Variants in CNTNAP2 observed in about 807,000 individuals in gnomAD.
The protein encoded by CNTNAP2 is contactin-associated protein-like 2.
Under a neutral mutation model 155.2 loss-of-function variants are expected in CNTNAP2, and 98 were observed. That is an observed-to-expected ratio of 0.63 (90% confidence interval 0.54 to 0.75). The LOEUF (loss-of-function observed/expected upper bound fraction) is 0.75, where lower values mean the gene tolerates loss of function less well. CNTNAP2 is among the 30% of genes least tolerant of loss of function. The pLI is 0.00. For missense variants in CNTNAP2, 1,727 were observed against 1,688.1 expected (o/e 1.02, Z -0.40); for synonymous variants, 651 against 631.2 (o/e 1.03, Z -0.47).
At chr7:148,065,151 A>G (rs370030487) in intron 15 of CNTNAP2, among the ~76,000 whole-genome samples, 1 of 152,158 alleles carries the variant, frequency 6.6e-6, no homozygotes, top group Non-Finnish European at 1.5e-5. Flanking sequence ...GTAGTCTGAG[A>G]AAGTACTTGA....
intron 2 of CNTNAP2, among the ~76,000 whole-genome samples, chr7:146,809,331 G>T (rs1351294490): frequency 6.6e-6 from 1 of 152,040 alleles, no homozygotes; most frequent in African/African-American, 2.4e-5. Context: ...ACTTGTTCAT[G>T]TATCTGCTGG....
At chr7:146,243,946 T>C (rs1341307911) in intron 1 of CNTNAP2, among the ~76,000 whole-genome samples, 1 of 152,000 alleles carries the variant, frequency 6.6e-6, no homozygotes, top group African/African-American at 2.4e-5. Context: ...TCGAGCGGGA[T>C]TAGGGGCGGT....
chr7:146,831,957 A>C (rs1399422481), intron 2 of CNTNAP2, among the ~76,000 whole-genome samples: 2 of 152,116 alleles, frequency 1.3e-5, no homozygotes, highest in Non-Finnish European at 2.9e-5. Flanking sequence ...TAATTTATCG[A>C]TATTTTAGGA....
chr7:147,733,044 C>T (rs1434861634), intron 13 of CNTNAP2, among the ~76,000 whole-genome samples: 1 of 152,154 alleles, frequency 6.6e-6, no homozygotes, highest in East Asian at 1.9e-4. Flanking sequence ...TTAATTAGAT[C>T]CCATTTGTCA....
chr7:147,208,515 C>A (rs1170845395), intron 8 of CNTNAP2, among the ~76,000 whole-genome samples: 1 of 151,910 alleles, frequency 6.6e-6, no homozygotes, highest in East Asian at 1.9e-4. Context: ...GTAGAAATCA[C>A]TATATATTGT....
intron 11 of CNTNAP2, among the ~76,000 whole-genome samples, chr7:147,559,053 G>A (rs1800008126): frequency 1.3e-5 from 2 of 151,816 alleles, no homozygotes; most frequent in African/African-American, 2.4e-5. Flanking sequence ...TTTTAAAAAT[G>A]TCTGTAGAGA....
chr7:148,300,198 T>G (rs149434750), intron 21 of CNTNAP2, among the ~76,000 whole-genome samples: 2 of 152,214 alleles, frequency 1.3e-5, no homozygotes, highest in African/African-American at 4.8e-5. Flanking sequence ...TCCTTGACAT[T>G]GGATTCTTAA....
intron 12 of CNTNAP2, among the ~76,000 whole-genome samples, chr7:147,597,762 A>G (rs780378343): frequency 1.3e-5 from 2 of 152,206 alleles, no homozygotes; most frequent in African/African-American, 2.4e-5. Context: ...GGTTGCGAGT[A>G]AGAGTGGGAA....
At chr7:147,148,112 C>G (rs1052277715) in intron 8 of CNTNAP2, among the ~76,000 whole-genome samples, 5 of 151,792 alleles carry the variant, frequency 3.3e-5, no homozygotes, top group African/African-American at 9.7e-5. Context: ...TGGTGGGGGC[C>G]GGGCGCGGTG....
intron 13 of CNTNAP2, among the ~76,000 whole-genome samples, chr7:147,719,744 T>G (rs939851205): frequency 6.6e-6 from 1 of 152,120 alleles, no homozygotes; most frequent in African/African-American, 2.4e-5. Context: ...CATGCTGTAA[T>G]TTCCCAGCAT....
In CNTNAP2 at chr7:147,744,461, A is replaced by C. The variant is rs1426868777; in HGVS notation, c.2098+105155A>C. Among the ~76,000 whole-genome samples, 4 of 152,204 alleles carry C rather than the reference A, an allele frequency of 2.6e-5. No individual in the cohort carries two copies. The South Asian group carries it at 8.3e-4, about 32-fold the overall frequency. On this transcript the variant is annotated intron_variant, in intron 13 of 23. Transcript: ENST00000361727. ...TGCCAGTGGTTCATTTCTTTAACAA[A>C]TATGTAGCGCTCTCCTTCATGCTAT...
chr7:147,727,126 A>G (rs1276252216), intron 13 of CNTNAP2, among the ~76,000 whole-genome samples: 1 of 151,970 alleles, frequency 6.6e-6, no homozygotes, highest in African/African-American at 2.4e-5. Flanking sequence ...AAAAATGACA[A>G]AAGAAGACAG....
At chr7:147,394,353 G>A (rs1236594467) in intron 9 of CNTNAP2, among the ~76,000 whole-genome samples, 1 of 151,904 alleles carries the variant, frequency 6.6e-6, no homozygotes, top group African/African-American at 2.4e-5. Flanking sequence ...CATGAGAACA[G>A]ACTAATATAA....
chr7:147,594,791 C>A (rs2116849975), intron 12 of CNTNAP2, among the ~76,000 whole-genome samples: 1 of 152,090 alleles, frequency 6.6e-6, no homozygotes, highest in South Asian at 2.1e-4. Flanking sequence ...CATAGATTAA[C>A]CAAGGCAAGC....
At chr7:147,853,485 G>A (rs1283856766) in intron 13 of CNTNAP2, among the ~76,000 whole-genome samples, 3 of 151,696 alleles carry the variant, frequency 2.0e-5, no homozygotes, top group Non-Finnish European at 2.9e-5. Flanking sequence ...CCTACACTAA[G>A]TAAATTTCAA....
At chr7:147,796,936 G>A (rs891170088) in intron 13 of CNTNAP2, among the ~76,000 whole-genome samples, 5 of 152,028 alleles carry the variant, frequency 3.3e-5, no homozygotes, top group African/African-American at 1.2e-4. Context: ...ACAAAGAGTG[G>A]GTCTTAGACA....
At chr7:146,811,655 T>A (rs1803068498) in intron 2 of CNTNAP2, among the ~76,000 whole-genome samples, 1 of 152,144 alleles carries the variant, frequency 6.6e-6, no homozygotes, top group African/African-American at 2.4e-5. Flanking sequence ...TTTTTCCCCT[T>A]TATCAAGGAA....
intron 1 of CNTNAP2, among the ~76,000 whole-genome samples, chr7:146,257,607 A>G (rs1430866728): frequency 6.6e-6 from 1 of 152,218 alleles, no homozygotes; most frequent in Non-Finnish European, 1.5e-5. Flanking sequence ...GGGAAGAGAC[A>G]GCAGAATATG....
intron 11 of CNTNAP2, among the ~76,000 whole-genome samples, chr7:147,538,942 A>G (rs1307072010): frequency 3.3e-5 from 5 of 152,098 alleles, no homozygotes; most frequent in Non-Finnish European, 5.9e-5. Context: ...TACTCTTTGA[A>G]ACTCTGTTTA....
Sources: allele counts gnomAD v4.1 joint callset (sites outside exome capture counted in the v4.1 genomes callset), GRCh38; gene constraint gnomAD v4.1.1; transcripts MANE v1.5; gene names NCBI Gene and HGNC (gene_info 2026-07-23, HGNC 2026-07-21).